Variants in SORCS3 observed in about 807,000 individuals in gnomAD.
SORCS3 encodes the protein sortilin related VPS10 domain containing receptor 3.
A neutral mutation model predicts 146.3 loss-of-function variants in SORCS3; 57 were observed. That is an observed-to-expected ratio of 0.39 (90% CI 0.31 to 0.49). The LOEUF (loss-of-function observed/expected upper bound fraction) is 0.49, where lower values mean the gene tolerates loss of function less well. SORCS3 is among the 20% of genes least tolerant of loss of function. The pLI, the probability that SORCS3 is intolerant of heterozygous loss-of-function variation, is 0.92. For synonymous variants in SORCS3, 653 were observed against 618.5 expected (o/e 1.06, Z -0.83); for missense variants, 1,341 against 1,575.5 (o/e 0.85, Z 2.52).
At chr10:104,720,000 A>C (rs538927737) in intron 1 of SORCS3, among the ~76,000 whole-genome samples, 3 of 151,452 alleles carry the variant, frequency 2.0e-5, no homozygotes, top group Non-Finnish European at 4.4e-5. Context: ...TTATACTTTA[A>C]GTTTTAGGGT....
rs1324661080 is a variant in SORCS3 at position 105,110,202 on chromosome 10, T to A, written c.1212+4687T>A. On this transcript the variant is annotated intron_variant, in intron 7 of 26. Transcript: ENST00000369701. ...TTTGTTTAACTTCTTTTCTGAGCTTTGCCAGTTTATATTGTGTCTCTTTCT... is the reference window on the plus strand; with the variant it reads ...TTTGTTTAACTTCTTTTCTGAGCTTAGCCAGTTTATATTGTGTCTCTTTCT... Among the ~76,000 whole-genome samples the A allele has an allele frequency of 2.3e-3, 348 of 152,198 alleles. 1 individual carries two copies. Among genetic ancestry groups the A allele is most frequent in the African/African-American group, 7.8e-3 (326 of 41,562 alleles).
At chr10:104,812,361 C>T (rs1474985306) in intron 1 of SORCS3, among the ~76,000 whole-genome samples, 4 of 152,248 alleles carry the variant, frequency 2.6e-5, no homozygotes, top group African/African-American at 9.6e-5. Flanking sequence ...TAGTTATTTC[C>T]AAGATTTTGT....
intron 7 of SORCS3, among the ~76,000 whole-genome samples, chr10:105,131,131 A>C (rs1235251733): frequency 6.6e-6 from 1 of 152,154 alleles, no homozygotes; most frequent in Admixed American, 6.6e-5. Context: ...GATAAATATG[A>C]TCTTTGAAGG....
chr10:105,178,458 A>G (rs2056422005), intron 14 of SORCS3, among the ~76,000 whole-genome samples: 3 of 152,190 alleles, frequency 2.0e-5, no homozygotes, highest in Admixed American at 2.0e-4. Context: ...CAAACAGAAA[A>G]CTTATGTCGT....
At chr10:104,807,404 T>C (rs2017690748) in intron 1 of SORCS3, among the ~76,000 whole-genome samples, 1 of 152,182 alleles carries the variant, frequency 6.6e-6, no homozygotes, top group African/African-American at 2.4e-5. Context: ...ATTATATATT[T>C]CTTTGGAGAG....
intron 20 of SORCS3, among the ~76,000 whole-genome samples, chr10:105,238,074 A>G (rs1564792180): frequency 6.6e-6 from 1 of 152,214 alleles, no homozygotes; most frequent in Admixed American, 6.5e-5. Flanking sequence ...CAATGAGCAC[A>G]TATGCAATAA....
At chr10:104,977,719 C>CCTTTT (rs1453206121) in intron 4 of SORCS3, among the ~76,000 whole-genome samples, 25 of 149,078 alleles carry the variant, frequency 1.7e-4, no homozygotes, top group Non-Finnish European at 2.2e-4. Context: ...GCTATTATTT[C>CCTTTT]CTTTTCTTTT....
chr10:104,723,994 A>G (rs2016587131), intron 1 of SORCS3, among the ~76,000 whole-genome samples: 1 of 152,056 alleles, frequency 6.6e-6, no homozygotes, highest in Non-Finnish European at 1.5e-5. Flanking sequence ...TAATATTGTG[A>G]TGTGTGAATT....
At chr10:104,750,965 T>TAAA (rs1208605331) in intron 1 of SORCS3, among the ~76,000 whole-genome samples, 2 of 152,206 alleles carry the variant, frequency 1.3e-5, no homozygotes, top group East Asian at 3.8e-4. Context: ...ATATCGTGTC[T>TAAA]ATAATATTTT....
chr10:104,969,707 A>G (rs2054847934), intron 3 of SORCS3, among the ~76,000 whole-genome samples: 1 of 152,174 alleles, frequency 6.6e-6, no homozygotes, highest in Admixed American at 6.5e-5. Flanking sequence ...ACTCAATGTC[A>G]ATATGCTTTA....
chr10:105,174,390 A>G (rs1253240484), intron 13 of SORCS3, among the ~76,000 whole-genome samples: 2 of 152,160 alleles, frequency 1.3e-5, no homozygotes, highest in African/African-American at 4.8e-5. Context: ...ATAGAATTCA[A>G]TATACAATAT....
intron 1 of SORCS3, among the ~76,000 whole-genome samples, chr10:104,753,192 T>C (rs2017008904): frequency 6.6e-6 from 1 of 152,224 alleles, no homozygotes; most frequent in Non-Finnish European, 1.5e-5. Context: ...CAAATGAGAT[T>C]TACTTGGGTC....
chr10:105,088,965 G>A (rs889479038), intron 5 of SORCS3, among the ~76,000 whole-genome samples: 1 of 152,176 alleles, frequency 6.6e-6, no homozygotes, highest in African/African-American at 2.4e-5. Flanking sequence ...TGGATTGTGT[G>A]ATCTTTAGTA....
At chr10:105,216,903 G>C in intron 18 of SORCS3, 33 bp from the exon 19 acceptor site, 1 of 1,611,976 alleles carries the variant, frequency 6.2e-7, no homozygotes, top group Middle Eastern at 1.7e-4. Flanking sequence ...GCTGGACCAA[G>C]TAAATTGACC....
At chr10:105,041,025 T>G (rs1011676183) in intron 4 of SORCS3, among the ~76,000 whole-genome samples, 1 of 147,572 alleles carries the variant, frequency 6.8e-6, no homozygotes, top group African/African-American at 2.5e-5. Flanking sequence ...CATATTCATT[T>G]TATATACATT....
rs1410166877 is a variant in SORCS3, at chr10:104,810,670, G to A, written c.628-32122G>A. Among the ~76,000 whole-genome samples, 5 of 152,252 alleles carry A rather than the reference G, an allele frequency of 3.3e-5. 1 individual carries two copies. The highest frequency in any genetic ancestry group is 6.5e-5 in the Admixed American group (1 of 15,284). ...ACATAGTCTTAGAAGTGGAAATACT[G>A]GGCCAGAGGGTATAAGTGTTTTTAA... On this transcript the variant is annotated intron_variant, in intron 1 of 26. Coordinates refer to ENST00000369701, the MANE Select transcript of SORCS3 (RefSeq NM_014978.3).
At chr10:105,194,920 T>G (rs897241320) in intron 14 of SORCS3, among the ~76,000 whole-genome samples, 3 of 152,140 alleles carry the variant, frequency 2.0e-5, no homozygotes, top group Non-Finnish European at 2.9e-5. Context: ...AGTGAGACAT[T>G]CTATGTTTAA....
chr10:104,835,565 G>C (rs1018904549), intron 1 of SORCS3, among the ~76,000 whole-genome samples: 1 of 152,200 alleles, frequency 6.6e-6, no homozygotes, highest in African/African-American at 2.4e-5. Context: ...ACAGGCCAGA[G>C]CGTCCTAGTG....
Position 105,178,125 on chromosome 10 carries a change from T to G in SORCS3, c.1961T>G (p.Phe654Cys), listed in dbSNP as rs1029263966. Residue 654 changes from phenylalanine to cysteine, a missense_variant, in exon 14 of 27, where the codon TTT becomes TGT. By Grantham distance (205) the Phe-to-Cys change is radical (BLOSUM62 -2). Coordinates refer to ENST00000369701, the MANE Select transcript of SORCS3 (RefSeq NM_014978.3). Reference sequence around the variant, plus strand: ...TATGGTTTCACTTCGGTTCCTCTCTTTGTTGACGGGGCTCTGGTGGAGGCA... The same window carrying G: ...TATGGTTTCACTTCGGTTCCTCTCTGTGTTGACGGGGCTCTGGTGGAGGCA... The part of the protein sequence containing the change: ...DKYGFTSVPL[F>C]VDGALVEAGM... 5 of 1,613,604 alleles carry G rather than the reference T, an allele frequency of 3.1e-6. No individual in the cohort carries two copies. Among genetic ancestry groups the G allele is most frequent in the Non-Finnish European group, 3.4e-6 (4 of 1,179,820 alleles).
Sources: allele counts gnomAD v4.1 joint callset (sites outside exome capture counted in the v4.1 genomes callset), GRCh38; gene constraint gnomAD v4.1.1; transcripts MANE v1.5; gene names NCBI Gene and HGNC (gene_info 2026-07-23, HGNC 2026-07-21).